Variants in RAP1GAP2 observed in about 807,000 individuals in gnomAD.
RAP1GAP2 encodes rap1 GTPase-activating protein 2.
A neutral mutation model predicts 95.0 loss-of-function variants in RAP1GAP2; 27 were observed. That is an observed-to-expected ratio of 0.28 (90% confidence interval 0.21 to 0.39). The LOEUF (loss-of-function observed/expected upper bound fraction) is 0.39. Ranked by LOEUF, RAP1GAP2 falls within the 10% of genes least tolerant of loss-of-function variation. The probability of loss-of-function intolerance (pLI) is 1.00; values close to 1 mark genes in which losing one functional copy is unlikely to be tolerated. For synonymous variants in RAP1GAP2, 373 were observed against 380.9 expected (o/e 0.98, Z 0.24); for missense variants, 771 against 970.0 (o/e 0.79, Z 2.72).
chr17:2,887,008 G>C (rs935794625), intron 2 of RAP1GAP2, among the ~76,000 whole-genome samples: 2 of 152,088 alleles, frequency 1.3e-5, no homozygotes, highest in Non-Finnish European at 1.5e-5. Flanking sequence ...ATGAAATAAC[G>C]TACATAAAGA....
intron 10 of RAP1GAP2, among the ~76,000 whole-genome samples, chr17:2,983,086 C>G (rs2045427682): frequency 6.6e-6 from 1 of 152,220 alleles, no homozygotes; most frequent in Non-Finnish European, 1.5e-5. Flanking sequence ...GCGTCCGTTT[C>G]CCCAGACAGC....
chr17:2,957,485 A>T (rs1357050654), intron 3 of RAP1GAP2, among the ~76,000 whole-genome samples: 5 of 152,168 alleles, frequency 3.3e-5, no homozygotes, highest in African/African-American at 4.8e-5. Flanking sequence ...AGGGGCCGGC[A>T]GGCCCCTTTC....
intron 3 of RAP1GAP2, among the ~76,000 whole-genome samples, chr17:2,943,061 A>G (rs977683206): frequency 7.2e-5 from 11 of 151,950 alleles, no homozygotes; most frequent in Non-Finnish European, 1.0e-4. Flanking sequence ...GAACCACCAC[A>G]CCTGACCTAG....
At chr17:2,835,739 T>C (rs984722663) in intron 2 of RAP1GAP2, among the ~76,000 whole-genome samples, 4 of 152,158 alleles carry the variant, frequency 2.6e-5, no homozygotes, top group Non-Finnish European at 2.9e-5. Context: ...TAAATAAATA[T>C]AGAACAGCAG....
chr17:2,854,240 C>G, intron 2 of RAP1GAP2: 1 of 798,688 alleles, frequency 1.3e-6, no homozygotes, highest in Non-Finnish European at 1.5e-6. Context: ...GTCGTGCGAA[C>G]CGAGTTCGGA....
chr17:2,972,937 G>A (rs902371743), intron 8 of RAP1GAP2, among the ~76,000 whole-genome samples: 4 of 152,116 alleles, frequency 2.6e-5, no homozygotes, highest in African/African-American at 4.8e-5. Flanking sequence ...AATGCACTGC[G>A]TTTTAGAGAT....
At chr17:2,969,163 T>TCTATCTATC (rs2044741061) in intron 8 of RAP1GAP2, among the ~76,000 whole-genome samples, 8 of 146,578 alleles carry the variant, frequency 5.5e-5, no homozygotes, top group Non-Finnish European at 1.2e-4. Flanking sequence ...ATATTTTTCT[T>TCTATCTATC]TATCTATCTA....
intron 3 of RAP1GAP2, among the ~76,000 whole-genome samples, chr17:2,913,800 A>G (rs1332462459): frequency 6.6e-6 from 1 of 152,200 alleles, no homozygotes; most frequent in Non-Finnish European, 1.5e-5. Flanking sequence ...GACCCAGTCA[A>G]TCATAACTGC....
intron 3 of RAP1GAP2, among the ~76,000 whole-genome samples, chr17:2,943,886 A>G (rs1597679472): frequency 6.6e-6 from 1 of 152,104 alleles, no homozygotes; most frequent in Non-Finnish European, 1.5e-5. Flanking sequence ...ATGGTGGCTC[A>G]CGCCTGTAAT....
intron 1 of RAP1GAP2, among the ~76,000 whole-genome samples, chr17:2,790,918 G>A (rs1488506207): frequency 1.3e-5 from 2 of 152,204 alleles, no homozygotes; most frequent in Non-Finnish European, 2.9e-5. Context: ...CGTAGAGGCC[G>A]GGCGCTGCGA....
intron 2 of RAP1GAP2, among the ~76,000 whole-genome samples, chr17:2,892,876 C>T (rs1290437465): frequency 6.6e-6 from 1 of 152,092 alleles, no homozygotes; most frequent in East Asian, 1.9e-4. Flanking sequence ...CTGCCAGCTC[C>T]CCTCCCCTTT....
chr17:2,943,656 C>T (rs2043588689), intron 3 of RAP1GAP2, among the ~76,000 whole-genome samples: 1 of 142,788 alleles, frequency 7.0e-6, no homozygotes, highest in Non-Finnish European at 1.5e-5. Flanking sequence ...CAGAGCAAGA[C>T]TCTGTCTCCA....
chr17:2,979,460 GTTTTT>G (rs71153320), intron 8 of RAP1GAP2, among the ~76,000 whole-genome samples: 1 of 78,598 alleles, frequency 1.3e-5, no homozygotes, highest in South Asian at 5.1e-4. Context: ...GGCGTGTTCT[GTTTTT>G]TTTTTTTTTT....
At chr17:2,808,117 C>G (rs1443359544) in intron 2 of RAP1GAP2, among the ~76,000 whole-genome samples, 3 of 152,240 alleles carry the variant, frequency 2.0e-5, no homozygotes, top group Non-Finnish European at 2.9e-5. Flanking sequence ...CCCAGTAAAT[C>G]CCGTTGTTCT....
chr17:2,877,029 C>T (rs554057854), intron 2 of RAP1GAP2, among the ~76,000 whole-genome samples: 4 of 152,080 alleles, frequency 2.6e-5, no homozygotes, highest in East Asian at 1.9e-4. Context: ...GCTGGGACTA[C>T]AGGCATGCGC....
upstream of RAP1GAP2, among the ~76,000 whole-genome samples, chr17:2,791,722 CTCTCTTGTGCCCGCAGCTCATCCTCCT>C (rs2068929186): frequency 6.6e-6 from 1 of 152,172 alleles, no homozygotes; most frequent in Non-Finnish European, 1.5e-5. Context: ...GCTGCCCTGG[CTCTCTTGTGCCCGCAGCTCATCCTCCT>C]CTCCCCGCTG....
intron 1 of RAP1GAP2, among the ~76,000 whole-genome samples, chr17:2,761,973 A>G (rs1393380665): frequency 1.8e-5 from 2 of 109,834 alleles, no homozygotes; most frequent in Non-Finnish European, 1.9e-5. Context: ...TTGTCCGTTT[A>G]TATATCTTTT....
In RAP1GAP2 at chr17:2,904,530, CTGTGTGTGTGTGTG is replaced by C. The variant is rs5818880; in HGVS notation, c.81-728_81-715del. Among the ~76,000 whole-genome samples, 22 of 129,082 alleles carry C rather than the reference CTGTGTGTGTGTGTG, an allele frequency of 1.7e-4. No individual in the cohort carries two copies. Among genetic ancestry groups the C allele is most frequent in the Non-Finnish European group, 3.1e-4 (19 of 60,566 alleles). The allele number at this position is 129,082 out of a possible 152,430, so 84.7% of individuals were successfully genotyped here. On this transcript the variant is annotated intron_variant, in intron 2 of 24. Coordinates refer to ENST00000254695, the MANE Select transcript of RAP1GAP2 (RefSeq NM_015085.5). This position sits in a 1 kb window ranked among gnomAD's most constrained non-coding sequence, Gnocchi z 4.7. ...CCGAGGACAGCTTTTTGACCAGGGC[CTGTGTGTGTGTGTG>C]TGTGTGTGTGTGTGTGTGTGTGTGT...
At chr17:3,025,175 G>T (rs1191802921) in intron 19 of RAP1GAP2, among the ~76,000 whole-genome samples, 1 of 152,144 alleles carries the variant, frequency 6.6e-6, no homozygotes, top group African/African-American at 2.4e-5. Flanking sequence ...TCAGGAGTTC[G>T]AGACCAGCTT....
Sources: gnomAD v4.1 joint callset for allele counts (sites outside exome capture counted in the v4.1 genomes callset) on GRCh38, gnomAD v4.1.1 for gene constraint, Gnocchi (gnomAD v3.1) non-coding constraint, MANE v1.5 for transcripts, NCBI Gene and HGNC (gene_info 2026-07-23, HGNC 2026-07-21) for gene names.